The following LAMB1 variants were observed in gnomAD, a reference collection of about 807,000 sequenced individuals.
LAMB1 encodes laminin subunit beta-1.
Under a neutral mutation model 222.3 loss-of-function variants are expected in LAMB1, and 121 were observed. The ratio of observed to expected loss-of-function variants is 0.54; its 90% CI spans 0.47 to 0.63. LAMB1 has a LOEUF of 0.63. LAMB1 is among the 30% of genes least tolerant of loss of function. LAMB1 has a pLI of 0.00. For missense variants in LAMB1, 2,172 were observed against 2,240.8 expected, an observed-to-expected ratio of 0.97 and a Z score of 0.62; for synonymous variants, 794 against 807.2, an observed-to-expected ratio of 0.98 and a Z score of 0.28.
At position 107,975,004 on chromosome 7, in the gene LAMB1, C is replaced by T. The variant is rs139683045; in HGVS notation, c.1464G>A (p.Gln488=). 2.5e-5 allele frequency: 40 copies of T among 1,602,284 alleles called. No individual in the cohort carries two copies. In the African/African-American group the frequency reaches 4.2e-4, roughly 17 times the overall value. ...TACTTACCAGGCACTGGTCACAATG[C>T]TGTCCTGTCACCAGACGCTTGCAGT... The part of the protein sequence containing the change: ...HCYCKRLVTG[Q]HCDQCLPEHW... The change falls in exon 12 of 34, where the codon CAG becomes CAA. Residue 488 remains glutamine, a synonymous_variant. Coordinates refer to ENST00000222399, the MANE Select transcript of LAMB1 (RefSeq NM_002291.3).
intron 23 of LAMB1, 34 bp downstream of exon 23, chr7:107,951,975 C>G (rs763323257): frequency 6.4e-7 from 1 of 1,563,904 alleles, no homozygotes; most frequent in Admixed American, 1.7e-5. Flanking sequence ...CACCTGAGCT[C>G]ATAAAGGCAT....
At chr7:107,933,242 T>A (rs1016254453) in intron 27 of LAMB1, among the ~76,000 whole-genome samples, 9 of 152,202 alleles carry the variant, frequency 5.9e-5, no homozygotes, top group African/African-American at 2.2e-4. Context: ...TAGAGCTGTT[T>A]GTGGAAATTC....
chr7:107,938,046 G>T (rs1478635038), intron 25 of LAMB1, among the ~76,000 whole-genome samples: 1 of 152,184 alleles, frequency 6.6e-6, no homozygotes, highest in Non-Finnish European at 1.5e-5. Flanking sequence ...GTGGGTGTGG[G>T]TAGGGTTGTA....
rs768250179 is a variant in LAMB1, at chr7:107,962,961, T to C, written c.1801A>G (p.Ile601Val). 8 of 1,614,090 alleles carry C rather than the reference T, an allele frequency of 5.0e-6. No homozygotes were observed. Among genetic ancestry groups the C allele is most frequent in the South Asian group, 2.2e-5 (2 of 91,078 alleles). ...VPEGAYLEFFIDNIPYSMEYD... is the reference protein window; with the variant it reads ...VPEGAYLEFFVDNIPYSMEYD... ...TCCATGGAATATGGTATGTTGTCAATGAAAAACTCCAAATAAGCCCCTTCA... is the reference window on the plus strand; with the variant it reads ...TCCATGGAATATGGTATGTTGTCAACGAAAAACTCCAAATAAGCCCCTTCA... Residue 601 changes from isoleucine to valine, a missense_variant, in exon 15 of 34, where the codon ATT becomes GTT. Coordinates refer to ENST00000222399, the MANE Select transcript of LAMB1 (RefSeq NM_002291.3).
In LAMB1 at chr7:107,929,061, T is replaced by C; in HGVS notation, c.4887+3A>G. ...CATTCATGTAATGATTGTGTATGCC[T>C]ACCGAAGTTAACAGGTTCTGGGTTC... is the stretch of plus-strand genomic sequence containing the variant. On this transcript the variant is annotated splice_donor_region_variant and intron_variant, in intron 31 of 33. Transcript: ENST00000222399. The C allele has an allele frequency of 6.2e-7, 1 of 1,613,666 alleles. No homozygotes were observed. Among genetic ancestry groups the C allele is most frequent in the South Asian group, 1.1e-5 (1 of 91,070 alleles).
intron 20 of LAMB1, among the ~76,000 whole-genome samples, chr7:107,958,201 C>T (rs1003435000): frequency 1.3e-5 from 2 of 152,100 alleles, no homozygotes; most frequent in Non-Finnish European, 2.9e-5. Flanking sequence ...AAAAGATGAC[C>T]CCAAAATATT....
rs915368562 is a variant in LAMB1, at chr7:107,952,164, A to G, written c.3139T>C (p.Cys1047Arg). 3.1e-6 allele frequency: 5 copies of G among 1,613,460 alleles called. No homozygotes were observed. The African/African-American group carries it at 6.7e-5, about 22-fold the overall frequency. Residue 1047 changes from cysteine to arginine, a missense_variant, in exon 23 of 34, where the codon TGC becomes CGC. Coordinates refer to ENST00000222399, the MANE Select transcript of LAMB1 (RefSeq NM_002291.3). ...QEHCNGSDCQ[C>R]DKATGQCLCL... ...AAGCACTGACCAGTGGCTTTGTCGCACTGGCAGTCAGAGCCGTTACAGTGC... is the reference window on the plus strand; with the variant it reads ...AAGCACTGACCAGTGGCTTTGTCGCGCTGGCAGTCAGAGCCGTTACAGTGC...
At chr7:107,985,999 CTT>C in intron 7 of LAMB1, 21 bp downstream of exon 7, 2 of 1,556,152 alleles carry the variant, frequency 1.3e-6, no homozygotes, top group Admixed American at 1.7e-5. Context: ...ACAAAAAACA[CTT>C]TTGTTTGAAA....
At chr7:107,955,723 A>T in intron 20 of LAMB1, 93 bp from the exon 21 acceptor site, 2 of 1,066,348 alleles carry the variant, frequency 1.9e-6, no homozygotes, top group African/African-American at 1.6e-5. Context: ...GTTTGGGCAC[A>T]CTCTTCTCCA....
Position 107,935,351 on chromosome 7 carries a change from T to G in LAMB1, c.4188+64A>C, listed in dbSNP as rs1243203637. On this transcript the variant is annotated intron_variant, in intron 27 of 33. Transcript: ENST00000222399. ...AAAGATGGTTTGTTTTTCTTTGTTT[T>G]TTTTTTTTTTTTTTTTTTTTTTGCT... is the stretch of plus-strand genomic sequence containing the variant. 4 of 394,636 alleles carry G rather than the reference T, an allele frequency of 1.0e-5. No homozygotes were observed. The African/African-American group carries it at 1.2e-4, about 12-fold the overall frequency. The allele number at this position is 394,636 out of a possible 1,614,324, so 24.4% of individuals were successfully genotyped here. A position where few individuals can be genotyped will look rare whatever the true frequency, so the allele number is the denominator to read the frequency against.
chr7:107,961,589 C>T lies in LAMB1; in HGVS notation c.1945G>A (p.Asp649Asn), dbSNP rs142386151. Residue 649 changes from aspartate to asparagine, a missense_variant, in exon 16 of 34, where the codon GAT becomes AAT. Asp to Asn is a conservative substitution (Grantham distance 23). Transcript: ENST00000222399. Reference sequence around the variant, plus strand: ...AATGACACCACCTGGTTGTCATCATCGGGGATGGTATTACCACATCGGCTG... The same window carrying T: ...AATGACACCACCTGGTTGTCATCATTGGGGATGGTATTACCACATCGGCTG... ...TSSRCGNTIP[D>N]DDNQVVSLSP... 409 of 1,614,076 alleles carry T rather than the reference C, an allele frequency of 2.5e-4. 3 individuals are homozygous for T. The African/African-American group carries it at 4.2e-3, about 17-fold the overall frequency.
intron 7 of LAMB1, among the ~76,000 whole-genome samples, chr7:107,982,857 T>C (rs1400862474): frequency 3.3e-5 from 5 of 152,214 alleles, no homozygotes; most frequent in African/African-American, 1.2e-4. Flanking sequence ...TCAGCTAACA[T>C]GCATGCTTCC....
Position 107,957,555 on chromosome 7 carries a change from A to G in LAMB1, c.2690+1694T>C, listed in dbSNP as rs111955623. Among the ~76,000 whole-genome samples, 1,406 of 152,280 alleles carry G rather than the reference A, an allele frequency of 9.2e-3. 19 individuals carry two copies. The highest frequency in any genetic ancestry group is 0.032 in the African/African-American group (1,328 of 41,542). Reference sequence around the variant, plus strand: ...AAGAGCAAAACTCCGTCTCAAAAAAATTTTCTAGAAGCTGGATATCCTAAC... The same window carrying G: ...AAGAGCAAAACTCCGTCTCAAAAAAGTTTTCTAGAAGCTGGATATCCTAAC... On this transcript the variant is annotated intron_variant, in intron 20 of 33. Transcript: ENST00000222399.
rs553419579 is a variant in LAMB1 at position 107,980,704 on chromosome 7, C to T, written c.784G>A (p.Val262Ile). ...MEIREKYYYA[V>I]YDMVVRGNCF... ...TTTCCTCGAACCACCATATCATAAA[C>T]TGCATAATAATACTTTTCTCTGATT... Residue 262 changes from valine to isoleucine, a missense_variant, in exon 8 of 34, where the codon GTT becomes ATT. By Grantham distance (29) the Val-to-Ile change is conservative. Coordinates refer to ENST00000222399, the MANE Select transcript of LAMB1 (RefSeq NM_002291.3). The T allele has an allele frequency of 3.0e-5, 49 of 1,613,890 alleles. No individual in the cohort carries two copies. The South Asian group carries it at 5.2e-4, about 17-fold the overall frequency.
intron 24 of LAMB1, chr7:107,940,639 T>C (rs2032959506): frequency 2.7e-6 from 1 of 375,104 alleles, no homozygotes; most frequent in Admixed American, 3.9e-5. Context: ...ATACGTGTTA[T>C]AATAATCACT....
intron 7 of LAMB1, among the ~76,000 whole-genome samples, chr7:107,984,481 C>G (rs2034035749): frequency 6.6e-6 from 1 of 152,216 alleles, no homozygotes; most frequent in African/African-American, 2.4e-5. Flanking sequence ...TTCCTGACCT[C>G]AAGTGATCCG....
In LAMB1 at chr7:107,980,597, G is replaced by T; in HGVS notation, c.879+12C>A. 1.2e-6 allele frequency: 2 copies of T among 1,605,500 alleles called. No homozygotes were observed. Among genetic ancestry groups the T allele is most frequent in the Non-Finnish European group, 1.7e-6 (2 of 1,172,764 alleles). ...CACATAAAGGAGAAAGGTGCACAGA[G>T]GGCTTACTTACCATTCCTTCCACTT... On this transcript the variant is annotated intron_variant, in intron 8 of 33. Transcript: ENST00000222399.
intron 12 of LAMB1, among the ~76,000 whole-genome samples, chr7:107,973,550 A>G (rs2033794071): frequency 6.6e-6 from 1 of 152,240 alleles, no homozygotes; most frequent in African/African-American, 2.4e-5. Flanking sequence ...TCAGATCTTT[A>G]GAGCACCAGA....
intron 24 of LAMB1, among the ~76,000 whole-genome samples, chr7:107,949,564 T>C (rs1409634769): frequency 2.6e-5 from 4 of 152,190 alleles, no homozygotes; most frequent in African/African-American, 9.7e-5. Context: ...TCCACTGGAT[T>C]TCAATACCTT....
Sources: allele counts gnomAD v4.1 joint callset (sites outside exome capture counted in the v4.1 genomes callset), GRCh38; gene constraint gnomAD v4.1.1; transcripts MANE v1.5; gene names NCBI Gene and HGNC (gene_info 2026-07-23, HGNC 2026-07-21).